The following FAM200B variants were observed in gnomAD, a reference collection of about 807,000 sequenced individuals.
FAM200B encodes protein FAM200B.
Under a neutral mutation model 33.1 loss-of-function variants are expected in FAM200B, and 32 were observed. That is an observed-to-expected ratio of 0.97 (90% CI 0.73 to 1.30). The LOEUF (loss-of-function observed/expected upper bound fraction) is 1.30. Ranked by LOEUF, FAM200B falls within the 50% of genes most tolerant of loss-of-function variation. The pLI is 0.00. For missense variants in FAM200B, 741 were observed against 754.0 expected (o/e 0.98, Z 0.20); for synonymous variants, 240 against 264.8 (o/e 0.91, Z 0.91).
At chr4:15,676,007 G>T in the FAM200B span, among the ~76,000 whole-genome samples, 1 of 152,168 alleles carries the variant, frequency 6.6e-6, no homozygotes, top group South Asian at 2.1e-4. Context: ...AGGTGAAAAA[G>T]AGCTCTACTT....
At chr4:15,653,384 G>C in the FAM200B span, among the ~76,000 whole-genome samples, 3 of 152,168 alleles carry the variant, frequency 2.0e-5, no homozygotes, top group Non-Finnish European at 2.9e-5. Flanking sequence ...GACAGAAAAA[G>C]AGCGACTAAC....
chr4:15,670,353 T>C, the FAM200B span, among the ~76,000 whole-genome samples: 1 of 152,244 alleles, frequency 6.6e-6, no homozygotes, highest in Non-Finnish European at 1.5e-5. Flanking sequence ...TATTTTCCAG[T>C]GGTTGCTCCG....
chr4:15,670,100 TCAA>T, the FAM200B span, among the ~76,000 whole-genome samples: 3 of 152,238 alleles, frequency 2.0e-5, no homozygotes, highest in African/African-American at 7.2e-5. Flanking sequence ...CATGTGTGTA[TCAA>T]CAGTTCATTC....
chr4:15,641,312 C>T, the FAM200B span, among the ~76,000 whole-genome samples: 1 of 152,124 alleles, frequency 6.6e-6, no homozygotes, highest in Non-Finnish European at 1.5e-5. Flanking sequence ...CAGGTTTGAA[C>T]TGTGCGGGTT....
At chr4:15,646,916 A>G in the FAM200B span, among the ~76,000 whole-genome samples, 2 of 152,060 alleles carry the variant, frequency 1.3e-5, no homozygotes, top group South Asian at 2.1e-4. Flanking sequence ...GAAACCACAG[A>G]TTCAACCAAC....
upstream of FAM200B, among the ~76,000 whole-genome samples, chr4:15,678,553 C>T (rs907035873): frequency 1.3e-5 from 2 of 152,160 alleles, no homozygotes; most frequent in Non-Finnish European, 2.9e-5. Flanking sequence ...TTTACATAGT[C>T]TCAAAATAGT....
Position 15,688,474 on chromosome 4 carries a change from C to T in FAM200B, c.1497C>T (p.Asn499=), listed in dbSNP as rs773483812. 8 of 1,538,450 alleles carry T rather than the reference C, an allele frequency of 5.2e-6. No homozygotes were observed. In the South Asian group the frequency reaches 7.2e-5, roughly 14 times the overall value. ...QHIEENIINE[N]ILKEIKLEIL... ...TTGAAGAGAATATTATTAATGAAAACATTTTGAAAGAAATAAAATTAGAGA... is the reference window on the plus strand; with the variant it reads ...TTGAAGAGAATATTATTAATGAAAATATTTTGAAAGAAATAAAATTAGAGA... The change falls in exon 2 of 2, where the codon AAC becomes AAT. Residue 499 remains asparagine, a synonymous_variant. Transcript: ENST00000422728.
chr4:15,656,293 CT>C, the FAM200B span: 32 of 456,146 alleles, frequency 7.0e-5, no homozygotes, highest in Middle Eastern at 6.5e-4. Context: ...CCTGGAGACT[CT>C]GTTCTCTGCT....
In FAM200B at chr4:15,688,397, C is replaced by CT. The variant is rs573121028; in HGVS notation, c.1422dup (p.Lys475Ter). On this transcript the variant is annotated frameshift_variant, in exon 2 of 2. Coordinates refer to ENST00000422728, the MANE Select transcript of FAM200B (RefSeq NM_001145191.2). LOFTEE classifies it high-confidence loss of function. ...GACATTATTGTTATGGCAAGTAAGA[C>CT]TTAAAAGTAATCGTCCTAGCTATTA... 1,435 of 1,549,008 alleles carry CT rather than the reference C, an allele frequency of 9.3e-4. 26 individuals carry two copies. The South Asian group carries it at 0.016, about 18-fold the overall frequency.
At chr4:15,674,122 T>C in the FAM200B span, among the ~76,000 whole-genome samples, 1 of 152,152 alleles carries the variant, frequency 6.6e-6, no homozygotes, top group Admixed American at 6.5e-5. Context: ...TGAGTTATGC[T>C]TGGTGCCTGC....
At chr4:15,662,925 G>A in the FAM200B span, among the ~76,000 whole-genome samples, 1 of 152,164 alleles carries the variant, frequency 6.6e-6, no homozygotes, top group African/African-American at 2.4e-5. Context: ...TAATCTTTCT[G>A]TCACTGAATA....
chr4:15,646,820 G>T, the FAM200B span, among the ~76,000 whole-genome samples: 2 of 151,554 alleles, frequency 1.3e-5, no homozygotes, highest in Non-Finnish European at 2.9e-5. Context: ...CCTTGCGACA[G>T]TTTGCTGAGA....
the FAM200B span, among the ~76,000 whole-genome samples, chr4:15,670,297 T>C: frequency 6.6e-6 from 1 of 152,222 alleles, no homozygotes; most frequent in African/African-American, 2.4e-5. Context: ...AAAGGCTAGA[T>C]CATACGTATG....
the FAM200B span, chr4:15,644,418 G>C: frequency 3.4e-6 from 4 of 1,163,812 alleles, no homozygotes; most frequent in Admixed American, 2.0e-5. Flanking sequence ...CTATAAAACA[G>C]TGACAAGTTT....
chr4:15,668,637 G>C, the FAM200B span, among the ~76,000 whole-genome samples: 1 of 152,164 alleles, frequency 6.6e-6, no homozygotes, highest in South Asian at 2.1e-4. Flanking sequence ...TGTGTCAATG[G>C]TATTCTTGAA....
chr4:15,680,087 G>A (rs1320049567), upstream of FAM200B, among the ~76,000 whole-genome samples: 2 of 151,502 alleles, frequency 1.3e-5, no homozygotes, highest in Non-Finnish European at 2.9e-5. Flanking sequence ...TACTGATAAG[G>A]AGGAATATCC....
At chr4:15,665,998 C>G in the FAM200B span, among the ~76,000 whole-genome samples, 1 of 150,598 alleles carries the variant, frequency 6.6e-6, no homozygotes, top group South Asian at 2.1e-4. Context: ...AGAATTGCCT[C>G]AATTTCCTAC....
chr4:15,640,694 C>T, the FAM200B span: 1 of 586,276 alleles, frequency 1.7e-6, no homozygotes. Context: ...CAACCAGATA[C>T]ATCTTCCTAT....
chr4:15,658,512 T>C, the FAM200B span, among the ~76,000 whole-genome samples: 1 of 152,160 alleles, frequency 6.6e-6, no homozygotes, highest in Non-Finnish European at 1.5e-5. Flanking sequence ...TGGGTTATCA[T>C]AGGAGTGGGA....
Sources: allele counts gnomAD v4.1 joint callset (sites outside exome capture counted in the v4.1 genomes callset), GRCh38; gene constraint gnomAD v4.1.1; transcripts MANE v1.5; gene names NCBI Gene and HGNC (gene_info 2026-07-23, HGNC 2026-07-21).